CNTN4: variants seen among roughly 807,000 people sequenced by gnomAD.
The protein encoded by CNTN4 is contactin-4.
A neutral mutation model predicts 122.5 loss-of-function variants in CNTN4; 77 were observed. The ratio of observed to expected loss-of-function variants is 0.63; its 90% CI spans 0.52 to 0.76. The LOEUF (loss-of-function observed/expected upper bound fraction) is 0.76. CNTN4 is among the 30% of genes least tolerant of loss of function. The probability of loss-of-function intolerance (pLI) is 0.00; values close to 1 mark genes in which losing one functional copy is unlikely to be tolerated. For synonymous variants in CNTN4, 512 were observed against 447.0 expected (o/e 1.15, Z -1.83); for missense variants, 1,256 against 1,259.1 (o/e 1.00, Z 0.04).
chr3:3,055,297 C>A lies in CNTN4; in HGVS notation c.2981-823C>A, dbSNP rs868424299. On this transcript the variant is annotated intron_variant, in intron 24 of 24. Transcript: ENST00000418658. ...TCATTAAAAATCTGACTTTATACTT[C>A]ATACTTTCTTATCATTGCAGGGATT... 3.0e-4 allele frequency among the ~76,000 whole-genome samples: 45 copies of A among 152,300 alleles called. 2 individuals are homozygous for A. The South Asian group carries it at 6.2e-3, about 21-fold the overall frequency.
At chr3:2,170,142 A>T (rs1232547467) in intron 2 of CNTN4, among the ~76,000 whole-genome samples, 1 of 151,508 alleles carries the variant, frequency 6.6e-6, no homozygotes, top group African/African-American at 2.4e-5. Flanking sequence ...TAACACGGTG[A>T]AACCCCGTCT....
intron 4 of CNTN4, among the ~76,000 whole-genome samples, chr3:2,674,897 C>T (rs1193490763): frequency 1.3e-5 from 2 of 152,184 alleles, no homozygotes; most frequent in African/African-American, 4.8e-5. Flanking sequence ...CCCTATAGTT[C>T]CCAGCCTCTA....
chr3:2,977,573 G>A (rs1693543501), intron 13 of CNTN4, among the ~76,000 whole-genome samples: 1 of 151,886 alleles, frequency 6.6e-6, no homozygotes, highest in African/African-American at 2.4e-5. Context: ...AAAAGGCCAA[G>A]CCTTCTACAG....
chr3:2,368,497 T>C (rs889249601), intron 3 of CNTN4, among the ~76,000 whole-genome samples: 3 of 152,186 alleles, frequency 2.0e-5, no homozygotes, highest in African/African-American at 7.2e-5. Context: ...GTGCAAGTTC[T>C]CTTGCTATTT....
chr3:2,612,309 T>C (rs1382577571), intron 4 of CNTN4, among the ~76,000 whole-genome samples: 1 of 152,108 alleles, frequency 6.6e-6, no homozygotes, highest in Non-Finnish European at 1.5e-5. Flanking sequence ...CTAGCCTACA[T>C]TGGTCAAAAT....
intron 3 of CNTN4, among the ~76,000 whole-genome samples, chr3:2,463,928 C>T (rs1057212051): frequency 6.6e-6 from 1 of 152,026 alleles, no homozygotes; most frequent in Non-Finnish European, 1.5e-5. Flanking sequence ...TGACCTAGAA[C>T]CAGAACAAGT....
intron 3 of CNTN4, among the ~76,000 whole-genome samples, chr3:2,509,118 G>A (rs181157284): frequency 1.9e-3 from 284 of 152,276 alleles, no homozygotes; most frequent in African/African-American, 6.4e-3. Flanking sequence ...AACTATTTCG[G>A]CTGTACCACT....
chr3:2,627,618 C>CG (rs2082249163), intron 4 of CNTN4, among the ~76,000 whole-genome samples: 1 of 151,588 alleles, frequency 6.6e-6, no homozygotes, highest in Non-Finnish European at 1.5e-5. Flanking sequence ...TTCAGCCTCC[C>CG]GAGTAGTTGG....
intron 3 of CNTN4, among the ~76,000 whole-genome samples, chr3:2,388,080 A>G (rs1162017397): frequency 2.6e-5 from 4 of 152,222 alleles, no homozygotes; most frequent in East Asian, 1.9e-4. Flanking sequence ...TAGATTAACA[A>G]TATATGAAAT....
intron 4 of CNTN4, among the ~76,000 whole-genome samples, chr3:2,637,495 C>T (rs1488753538): frequency 6.6e-6 from 1 of 151,950 alleles, no homozygotes; most frequent in Non-Finnish European, 1.5e-5. Context: ...ATCTCTGAAA[C>T]CAGCAGAGTA....
In CNTN4 at chr3:2,643,950, A is replaced by T. The variant is rs568132462; in HGVS notation, c.55+72392A>T. On this transcript the variant is annotated intron_variant, in intron 4 of 24. Transcript: ENST00000418658. ...AGATTTAAACGCATTTTCTCCTTGTATCTGATCACCCCACCGTGTCTTCCA... is the reference window on the plus strand; with the variant it reads ...AGATTTAAACGCATTTTCTCCTTGTTTCTGATCACCCCACCGTGTCTTCCA... Among the ~76,000 whole-genome samples, 5 of 152,258 alleles carry T rather than the reference A, an allele frequency of 3.3e-5. No homozygotes were observed. The South Asian group carries it at 1.0e-3, about 32-fold the overall frequency.
At chr3:2,941,669 G>A (rs983455599) in intron 13 of CNTN4, among the ~76,000 whole-genome samples, 25 of 152,222 alleles carry the variant, frequency 1.6e-4, no homozygotes, top group Middle Eastern at 3.4e-3. Flanking sequence ...CAGTAGCCCC[G>A]ACGCGTCGCT....
chr3:2,763,960 T>G (rs774826670), intron 6 of CNTN4, among the ~76,000 whole-genome samples: 16 of 151,336 alleles, frequency 1.1e-4, no homozygotes, highest in Admixed American at 3.9e-4. Flanking sequence ...CCTTGGCTAT[T>G]CGGGCTTTTT....
chr3:2,658,300 C>T (rs1226444050), intron 4 of CNTN4, among the ~76,000 whole-genome samples: 2 of 151,762 alleles, frequency 1.3e-5, no homozygotes. Flanking sequence ...TTTTTTCTTC[C>T]TTTCACCCAA....
chr3:2,361,005 C>T (rs2045111616), intron 3 of CNTN4, among the ~76,000 whole-genome samples: 1 of 152,090 alleles, frequency 6.6e-6, no homozygotes, highest in Non-Finnish European at 1.5e-5. Flanking sequence ...TTCACTGTGG[C>T]TCTTTTGTGG....
At chr3:2,320,285 A>G (rs1424036606) in intron 2 of CNTN4, among the ~76,000 whole-genome samples, 1 of 152,222 alleles carries the variant, frequency 6.6e-6, no homozygotes, top group Non-Finnish European at 1.5e-5. Flanking sequence ...TGTTAATGTT[A>G]TATACAGAAA....
At chr3:2,996,635 A>G (rs1362708978) in intron 14 of CNTN4, among the ~76,000 whole-genome samples, 1 of 152,182 alleles carries the variant, frequency 6.6e-6, no homozygotes, top group Non-Finnish European at 1.5e-5. Flanking sequence ...CCAGCAATTC[A>G]AAGAGACTTA....
intron 7 of CNTN4, among the ~76,000 whole-genome samples, chr3:2,831,057 C>A (rs1038709736): frequency 3.3e-5 from 5 of 152,104 alleles, no homozygotes; most frequent in African/African-American, 1.2e-4. Flanking sequence ...TATTTTTTAA[C>A]ATGTTCAGTT....
chr3:2,712,908 C>A (rs1468079747), intron 4 of CNTN4, among the ~76,000 whole-genome samples: 2 of 152,222 alleles, frequency 1.3e-5, no homozygotes, highest in East Asian at 1.9e-4. Context: ...GAGGGTGGCT[C>A]ACCCAAGCAG....
Sources: gnomAD v4.1 joint callset for allele counts (sites outside exome capture counted in the v4.1 genomes callset) on GRCh38, gnomAD v4.1.1 for gene constraint, MANE v1.5 for transcripts, NCBI Gene and HGNC (gene_info 2026-07-23, HGNC 2026-07-21) for gene names.